PTPRG: variants seen among roughly 807,000 people sequenced by gnomAD.
PTPRG encodes protein tyrosine phosphatase receptor type G.
A neutral mutation model predicts 165.3 loss-of-function variants in PTPRG; 102 were observed. The observed-to-expected ratio is 0.62, with a 90% CI of 0.53 to 0.73. The LOEUF is 0.73. Among genes scored for constraint, PTPRG ranks in the 30% least tolerant of loss-of-function variants. The pLI, the probability that PTPRG is intolerant of heterozygous loss-of-function variation, is 0.00. For synonymous variants in PTPRG, 675 were observed against 669.5 expected, an observed-to-expected ratio of 1.01 and a Z score of -0.13; for missense variants, 1,866 against 1,861.4, an observed-to-expected ratio of 1.00 and a Z score of -0.05.
At chr3:61,670,511 C>T (rs535862554) in intron 1 of PTPRG, among the ~76,000 whole-genome samples, 4 of 152,324 alleles carry the variant, frequency 2.6e-5, no homozygotes, top group Admixed American at 6.5e-5. Context: ...GTATTGTCTG[C>T]GCCCTTATTG....
chr3:62,282,539 T>G (rs923346339), intron 27 of PTPRG, among the ~76,000 whole-genome samples, 188 bp from the exon 28 acceptor site: 1 of 145,906 alleles, frequency 6.9e-6, no homozygotes, highest in Non-Finnish European at 1.5e-5. Context: ...ATGCTTTTTT[T>G]AAAAAACAAA....
At chr3:62,202,861 T>G (rs1333335987) in intron 11 of PTPRG, among the ~76,000 whole-genome samples, 1 of 152,242 alleles carries the variant, frequency 6.6e-6, no homozygotes, top group East Asian at 1.9e-4. Flanking sequence ...GTTGTGTAAG[T>G]CAGCTTTAAC....
rs1163412211 is a variant in PTPRG at position 61,965,260 on chromosome 3, T to C, written c.191-24365T>C. Among the ~76,000 whole-genome samples the C allele has an allele frequency of 5.4e-5, 5 of 91,968 alleles. No homozygotes were observed. The East Asian group carries it at 1.6e-3, about 29-fold the overall frequency. The allele number at this position is 91,968 out of a possible 152,430, so 60.3% of individuals were successfully genotyped here. Reference sequence around the variant, plus strand: ...ACTCTGTCTCAAAAAAAAAAAAAAATCCAGAATGACTACAGTGTTAAGCTA... The same window carrying C: ...ACTCTGTCTCAAAAAAAAAAAAAAACCCAGAATGACTACAGTGTTAAGCTA... On this transcript the variant is annotated intron_variant, in intron 2 of 29. Transcript: ENST00000474889.
intron 1 of PTPRG, among the ~76,000 whole-genome samples, chr3:61,613,266 GT>G (rs990411326): frequency 2.6e-5 from 4 of 152,096 alleles, no homozygotes; most frequent in South Asian, 2.1e-4. Flanking sequence ...CTAAAATCAT[GT>G]TTTTTTTAAA....
At chr3:61,636,620 C>G (rs1701916349) in intron 1 of PTPRG, among the ~76,000 whole-genome samples, 1 of 152,218 alleles carries the variant, frequency 6.6e-6, no homozygotes, top group South Asian at 2.1e-4. Flanking sequence ...CCACGCCCAG[C>G]CTTGTTGTAT....
chr3:61,781,954 C>T (rs2034560502), intron 2 of PTPRG, among the ~76,000 whole-genome samples: 1 of 147,478 alleles, frequency 6.8e-6, no homozygotes, highest in Admixed American at 6.9e-5. Context: ...TGGTCTTGAA[C>T]TCCTGGGCTC....
intron 2 of PTPRG, among the ~76,000 whole-genome samples, chr3:61,906,567 C>T (rs1267889397): frequency 1.3e-5 from 2 of 151,978 alleles, no homozygotes; most frequent in African/African-American, 2.4e-5. Context: ...CCCAGGAATT[C>T]GAGACCAGCC....
intron 2 of PTPRG, among the ~76,000 whole-genome samples, chr3:61,888,146 A>T (rs1367136931): frequency 6.6e-6 from 1 of 152,162 alleles, no homozygotes; most frequent in African/African-American, 2.4e-5. Context: ...TTGAAAGAAA[A>T]GTACAAAAAC....
rs1038381925 is a variant in PTPRG, at chr3:62,038,967, C to T, written c.519+35470C>T. Reference sequence around the variant, plus strand: ...ATTTATTTTTTGAGACAGAGTGTTGCTCTGTTACCCAGGCTGAAGTGCAGT... The same window carrying T: ...ATTTATTTTTTGAGACAGAGTGTTGTTCTGTTACCCAGGCTGAAGTGCAGT... On this transcript the variant is annotated intron_variant, in intron 4 of 29. Coordinates refer to ENST00000474889, the MANE Select transcript of PTPRG (RefSeq NM_002841.4). 6.6e-5 allele frequency among the ~76,000 whole-genome samples: 10 copies of T among 152,214 alleles called. No homozygotes were observed. In the East Asian group the frequency reaches 1.5e-3, roughly 24 times the overall value.
At chr3:61,854,178 C>A (rs185603063) in intron 2 of PTPRG, among the ~76,000 whole-genome samples, 1 of 152,314 alleles carries the variant, frequency 6.6e-6, no homozygotes, top group Admixed American at 6.5e-5. Context: ...TACACACATG[C>A]ACAACAGATG....
intron 2 of PTPRG, among the ~76,000 whole-genome samples, chr3:61,899,007 C>G (rs967404264): frequency 6.6e-6 from 1 of 152,154 alleles, no homozygotes; most frequent in African/African-American, 2.4e-5. Flanking sequence ...TTCTTGGGCT[C>G]AAGCGATCCT....
chr3:61,827,054 C>T (rs1269942514), intron 2 of PTPRG, among the ~76,000 whole-genome samples: 4 of 152,202 alleles, frequency 2.6e-5, no homozygotes, highest in South Asian at 2.1e-4. Flanking sequence ...AGGATATAGA[C>T]GTTTGTTGCC....
At chr3:62,108,488 A>G (rs946916036) in intron 5 of PTPRG, among the ~76,000 whole-genome samples, 3 of 152,228 alleles carry the variant, frequency 2.0e-5, no homozygotes, top group Non-Finnish European at 4.4e-5. Context: ...TATTGTGAAC[A>G]GTGCCTCAGT....
At chr3:62,204,217 G>T (rs1258082271) in intron 12 of PTPRG, among the ~76,000 whole-genome samples, 2 of 152,066 alleles carry the variant, frequency 1.3e-5, no homozygotes, top group African/African-American at 4.8e-5. Flanking sequence ...CTTCAACCAG[G>T]CAATGATATA....
Position 61,611,825 on chromosome 3 carries a change from G to A in PTPRG, c.85+49453G>A, listed in dbSNP as rs538719647. On this transcript the variant is annotated intron_variant, in intron 1 of 29. Transcript: ENST00000474889. ...GTTGAATTTCATATCCTTTTCATGTGTCAGGAAATATTCTTTTGACTTTTA... is the reference window on the plus strand; with the variant it reads ...GTTGAATTTCATATCCTTTTCATGTATCAGGAAATATTCTTTTGACTTTTA... Among the ~76,000 whole-genome samples, 51 of 152,278 alleles carry A rather than the reference G, an allele frequency of 3.3e-4. No individual in the cohort carries two copies. In the South Asian group the frequency reaches 0.011, roughly 32 times the overall value.
chr3:61,790,618 G>T (rs1036454041), intron 2 of PTPRG, among the ~76,000 whole-genome samples: 2 of 152,150 alleles, frequency 1.3e-5, no homozygotes, highest in African/African-American at 4.8e-5. Context: ...ACATGAGGAA[G>T]TACTAAAGCA....
intron 4 of PTPRG, among the ~76,000 whole-genome samples, chr3:62,057,878 C>T (rs541539121): frequency 2.5e-4 from 38 of 152,160 alleles, no homozygotes; most frequent in Admixed American, 1.3e-3. Flanking sequence ...AGGGTATTTC[C>T]GTGAAGTGCA....
At chr3:61,693,139 G>A (rs1013489396) in intron 1 of PTPRG, among the ~76,000 whole-genome samples, 21 of 152,176 alleles carry the variant, frequency 1.4e-4, no homozygotes, top group African/African-American at 5.1e-4. Flanking sequence ...TATATCAGAT[G>A]TCTCAGTTTT....
At position 62,127,489 on chromosome 3, in the gene PTPRG, A is replaced by G. The variant is rs78716447; in HGVS notation, c.616-5113A>G. On this transcript the variant is annotated intron_variant, in intron 5 of 29. Transcript: ENST00000474889. ...GAATCCTCTTCTCTGCAATTCTGGA[A>G]GGCCATGTGGAGTCTCTGGTCCTGC... Among the ~76,000 whole-genome samples the G allele has an allele frequency of 7.2e-3, 1,103 of 152,306 alleles. 15 individuals carry two copies. Among genetic ancestry groups the G allele is most frequent in the African/African-American group, 0.026 (1,073 of 41,564 alleles).
Sources: allele counts gnomAD v4.1 joint callset (sites outside exome capture counted in the v4.1 genomes callset), GRCh38; gene constraint gnomAD v4.1.1; transcripts MANE v1.5; gene names NCBI Gene and HGNC (gene_info 2026-07-23, HGNC 2026-07-21).